RYR2: variants seen among roughly 807,000 people sequenced by gnomAD.
The protein encoded by RYR2 is cardiac muscle ryanodine receptor-calcium release channel.
RYR2 carries 227 observed loss-of-function variants against 601.1 expected under a neutral mutation model. That is an observed-to-expected ratio of 0.38 (90% CI 0.34 to 0.42). The LOEUF is 0.42. Among genes scored for constraint, RYR2 ranks in the 10% least tolerant of loss-of-function variants. RYR2 has a pLI of 1.00. For missense variants in RYR2, 4,646 were observed against 6,156.5 expected (o/e 0.75, Z 8.21); for synonymous variants, 2,223 against 2,175.1 (o/e 1.02, Z -0.61).
chr1:237,626,500 G>A (rs2148660635), intron 40 of RYR2, among the ~76,000 whole-genome samples: 1 of 147,572 alleles, frequency 6.8e-6, no homozygotes, highest in African/African-American at 2.5e-5. Flanking sequence ...ATTTTTCAGT[G>A]TCACAATCAC....
intron 1 of RYR2, among the ~76,000 whole-genome samples, chr1:237,162,509 A>C (rs896862077): frequency 6.6e-6 from 1 of 151,956 alleles, no homozygotes; most frequent in African/African-American, 2.4e-5. Context: ...AACAACAAAA[A>C]ATTGGTTTTG....
chr1:237,234,938 G>A (rs1244523908), intron 1 of RYR2, among the ~76,000 whole-genome samples: 1 of 151,858 alleles, frequency 6.6e-6, no homozygotes, highest in Non-Finnish European at 1.5e-5. Context: ...CTAATGGATG[G>A]TGTGGAAAAT....
chr1:237,270,745 T>A (rs1172485200), intron 2 of RYR2, 129 bp downstream of exon 2: 1 of 1,053,316 alleles, frequency 9.5e-7, no homozygotes, highest in African/African-American at 1.6e-5. Context: ...AACAATGTTT[T>A]CCATCTCCAT....
At position 237,764,402 on chromosome 1, in the gene RYR2, ATTTTTTTTTT is replaced by A. The variant is rs59485547; in HGVS notation, c.11476+3392_11476+3401del. On this transcript the variant is annotated intron_variant, in intron 84 of 104. Transcript: ENST00000366574. ...CATGTCTACCATTGCCTTAGGTAGC[ATTTTTTTTTT>A]TTTTTTTTTTTTTTTTTGCCCCTTG... Among the ~76,000 whole-genome samples the A allele has an allele frequency of 1.6e-4, 11 of 69,962 alleles. No individual in the cohort carries two copies. In the East Asian group the frequency reaches 2.9e-3, roughly 18 times the overall value. 45.9% of individuals were successfully genotyped at this position (69,962 alleles called of 152,430 possible). A position where few individuals can be genotyped will look rare whatever the true frequency, so the allele number is the denominator to read the frequency against.
chr1:237,524,727 T>C (rs1054441434), intron 24 of RYR2, among the ~76,000 whole-genome samples: 3 of 151,854 alleles, frequency 2.0e-5, no homozygotes, highest in African/African-American at 7.3e-5. Context: ...CATATATATA[T>C]AGACATATAT....
intron 34 of RYR2, among the ~76,000 whole-genome samples, chr1:237,597,331 C>T (rs972578149): frequency 1.3e-5 from 2 of 149,182 alleles, no homozygotes; most frequent in African/African-American, 5.0e-5. Context: ...TGCTCTGTTG[C>T]CAGGTAATGG....
rs141215839 is a variant in RYR2, at chr1:237,311,761, G to A, written c.169-19117G>A. ...CCCAAAGTGTTGGGATTACAGGCGCGAACCACCATTGTCGGGACTGAAAAA... is the reference window on the plus strand; with the variant it reads ...CCCAAAGTGTTGGGATTACAGGCGCAAACCACCATTGTCGGGACTGAAAAA... On this transcript the variant is annotated intron_variant, in intron 2 of 104. Transcript: ENST00000366574. Among the ~76,000 whole-genome samples the A allele has an allele frequency of 7.5e-3, 1,139 of 152,118 alleles. 9 individuals carry two copies. The highest frequency in any genetic ancestry group is 0.025 in the African/African-American group (1,042 of 41,474).
At chr1:237,696,399 C>T (rs1033002452) in intron 63 of RYR2, among the ~76,000 whole-genome samples, 1 of 152,164 alleles carries the variant, frequency 6.6e-6, no homozygotes, top group African/African-American at 2.4e-5. Context: ...CCTCCAAACA[C>T]TGGAGGCCCT....
rs746043055 is a variant in RYR2, at chr1:237,582,419, T to TA, written c.3599-7357dup. Reference sequence around the variant, plus strand: ...GCCATTGTGCCTGGCTAGCATTCTTTAAAAAAAAAAAAAAAAATCAACTTT... The same window carrying TA: ...GCCATTGTGCCTGGCTAGCATTCTTTAAAAAAAAAAAAAAAAAATCAACTTT... On this transcript the variant is annotated intron_variant, in intron 29 of 104. Coordinates refer to ENST00000366574, the MANE Select transcript of RYR2 (RefSeq NM_001035.3). 7.6e-3 allele frequency among the ~76,000 whole-genome samples: 1,076 copies of TA among 140,666 alleles called. 15 individuals carry two copies. The highest frequency in any genetic ancestry group is 0.06 in the East Asian group (293 of 4,924). 92.3% of individuals were successfully genotyped at this position (140,666 alleles called of 152,430 possible).
intron 1 of RYR2, among the ~76,000 whole-genome samples, chr1:237,248,087 C>CCAAT (rs1558494010): frequency 2.6e-5 from 4 of 152,100 alleles, no homozygotes; most frequent in African/African-American, 9.7e-5. Flanking sequence ...GCCTGGGTAA[C>CCAAT]ATGGTGAAAC....
In RYR2 at chr1:237,756,288, GA is replaced by G; in HGVS notation, c.11151del (p.Glu3718LysfsTer38). ...ATAAATGGTTGGGATTTGTGTTCAG[GA>G]AAAAGAAATGGAAAAGCAAAAGCTT... ...DGEEEVKSFE[E>X]KEMEKQKLLY... On this transcript the variant is annotated frameshift_variant and splice_region_variant, in exon 81 of 105. Transcript: ENST00000366574. LOFTEE classifies it high-confidence loss of function. 6.2e-7 allele frequency: 1 copy of G among 1,609,744 alleles called. No individual in the cohort carries two copies. The highest frequency in any genetic ancestry group is 1.3e-5 in the African/African-American group (1 of 74,928).
At chr1:237,500,337 A>G (rs1664498608) in intron 20 of RYR2, among the ~76,000 whole-genome samples, 1 of 152,114 alleles carries the variant, frequency 6.6e-6, no homozygotes. Flanking sequence ...GAGGTTAAGT[A>G]ATTTGGTTAT....
intron 25 of RYR2, among the ~76,000 whole-genome samples, chr1:237,536,210 CT>C (rs1303887813): frequency 6.6e-6 from 1 of 152,202 alleles, no homozygotes; most frequent in Non-Finnish European, 1.5e-5. Context: ...TGCTTTATTT[CT>C]TTTTAAGTGT....
At chr1:237,560,025 G>A (rs889359327) in intron 27 of RYR2, among the ~76,000 whole-genome samples, 2 of 152,238 alleles carry the variant, frequency 1.3e-5, no homozygotes, top group African/African-American at 2.4e-5. Flanking sequence ...ATTGGCACAT[G>A]CCTTCAACAC....
chr1:237,795,177 G>A, intron 95 of RYR2, 112 bp from the exon 96 acceptor site: 1 of 520,646 alleles, frequency 1.9e-6, no homozygotes, highest in Non-Finnish European at 3.4e-6. Flanking sequence ...AAGTTTACGT[G>A]GCAGGATATA....
chr1:237,736,247 G>C (rs1691132618), intron 79 of RYR2, among the ~76,000 whole-genome samples: 1 of 152,030 alleles, frequency 6.6e-6, no homozygotes, highest in African/African-American at 2.4e-5. Flanking sequence ...GATCATTTGA[G>C]ATCAGGAGTT....
At chr1:237,073,286 G>A (rs1664609674) in intron 1 of RYR2, among the ~76,000 whole-genome samples, 1 of 152,158 alleles carries the variant, frequency 6.6e-6, no homozygotes, top group Non-Finnish European at 1.5e-5. Flanking sequence ...AAGGAAGATC[G>A]TGCCAGGTAG....
chr1:237,636,488 C>T (rs1431659955), intron 44 of RYR2, among the ~76,000 whole-genome samples: 1 of 152,204 alleles, frequency 6.6e-6, no homozygotes, highest in African/African-American at 2.4e-5. Context: ...TCTACACACT[C>T]ATTAAAATGG....
rs149397700 is a variant in RYR2 at position 237,393,267 on chromosome 1, A to G, written c.773+5084A>G. 2.8e-3 allele frequency among the ~76,000 whole-genome samples: 428 copies of G among 152,332 alleles called. 2 individuals are homozygous for G. Among genetic ancestry groups the G allele is most frequent in the African/African-American group, 9.4e-3 (391 of 41,570 alleles). On this transcript the variant is annotated intron_variant, in intron 10 of 104. Transcript: ENST00000366574. ...AGTTTCTGACAGTATCTGGAAATAA[A>G]TGCTACATTTGCTTCCCAAAATGTG...
Sources: allele counts gnomAD v4.1 joint callset (sites outside exome capture counted in the v4.1 genomes callset), GRCh38; gene constraint gnomAD v4.1.1; transcripts MANE v1.5; gene names NCBI Gene and HGNC (gene_info 2026-07-23, HGNC 2026-07-21).